Variants in GALNT10 observed in about 807,000 individuals in gnomAD.
The protein encoded by GALNT10 is GalNAc transferase 10.
GALNT10 carries 41 observed loss-of-function variants against 75.0 expected under a neutral mutation model. The ratio of observed to expected loss-of-function variants is 0.55; its 90% CI spans 0.43 to 0.71. The LOEUF (loss-of-function observed/expected upper bound fraction) is 0.71. Ranked by LOEUF, GALNT10 falls within the 30% of genes least tolerant of loss-of-function variation. The pLI, the probability that GALNT10 is intolerant of heterozygous loss-of-function variation, is 0.00. For synonymous variants in GALNT10, 302 were observed against 313.0 expected (o/e 0.96, Z 0.37); for missense variants, 727 against 818.5 (o/e 0.89, Z 1.36).
chr5:154,224,824 A>G (rs920173343), intron 1 of GALNT10, among the ~76,000 whole-genome samples: 1 of 127,218 alleles, frequency 7.9e-6, no homozygotes, highest in Admixed American at 1.1e-4. Flanking sequence ...TCTGTCTCCC[A>G]GGTTAGAGTG....
chr5:154,373,032 T>C (rs907160865), intron 4 of GALNT10, among the ~76,000 whole-genome samples: 5 of 152,156 alleles, frequency 3.3e-5, no homozygotes, highest in African/African-American at 1.2e-4. Context: ...GCCCCTAGAA[T>C]AGGGGTGATG....
At chr5:154,268,907 C>T (rs1468744163) in intron 1 of GALNT10, among the ~76,000 whole-genome samples, 9 of 152,030 alleles carry the variant, frequency 5.9e-5, no homozygotes, top group Non-Finnish European at 2.9e-5. Context: ...GAGGCCAAGG[C>T]GAAAGGATTG....
intron 7 of GALNT10, among the ~76,000 whole-genome samples, chr5:154,394,054 C>T (rs1755964631): frequency 6.6e-6 from 1 of 152,140 alleles, no homozygotes; most frequent in South Asian, 2.1e-4. Flanking sequence ...GTGGGCCCCA[C>T]CGTCCTTGGC....
At chr5:154,210,093 A>T (rs1191729555) in intron 1 of GALNT10, among the ~76,000 whole-genome samples, 1 of 152,154 alleles carries the variant, frequency 6.6e-6, no homozygotes, top group African/African-American at 2.4e-5. Flanking sequence ...TCCTCTCTCC[A>T]TGCAGCAGTC....
intron 1 of GALNT10, among the ~76,000 whole-genome samples, chr5:154,256,100 AC>A (rs1241473857): frequency 6.6e-6 from 1 of 152,038 alleles, no homozygotes; most frequent in Non-Finnish European, 1.5e-5. Context: ...GTAGACAAAA[AC>A]AGATCCTTAC....
intron 7 of GALNT10, among the ~76,000 whole-genome samples, chr5:154,395,081 G>C (rs1386073036): frequency 6.6e-6 from 1 of 152,234 alleles, no homozygotes; most frequent in Admixed American, 6.5e-5. Context: ...CTGTGTGTAT[G>C]TTACTCCCTA....
chr5:154,390,259 G>A (rs555696003), intron 7 of GALNT10, among the ~76,000 whole-genome samples: 105 of 150,214 alleles, frequency 7.0e-4, no homozygotes, highest in Non-Finnish European at 1.0e-3. Context: ...AGGATAGAAC[G>A]CATGGCCCCC....
At chr5:154,246,496 C>T (rs1455116566) in intron 1 of GALNT10, among the ~76,000 whole-genome samples, 1 of 152,210 alleles carries the variant, frequency 6.6e-6, no homozygotes, top group Non-Finnish European at 1.5e-5. Context: ...TTAATGATTG[C>T]CATTCTAACT....
chr5:154,233,833 G>A (rs75146634), intron 1 of GALNT10, among the ~76,000 whole-genome samples: 2,747 of 152,274 alleles, frequency 0.018, 60 homozygotes, highest in African/African-American at 0.062. Flanking sequence ...CTTTTGGTGG[G>A]CAGGTAGAGG....
intron 1 of GALNT10, among the ~76,000 whole-genome samples, chr5:154,216,868 T>G (rs1364394447): frequency 6.6e-6 from 1 of 152,210 alleles, no homozygotes; most frequent in African/African-American, 2.4e-5. Context: ...TGCTTTTTAC[T>G]TGTGAGTAGA....
intron 7 of GALNT10, chr5:154,388,836 C>G (rs1755846802): frequency 6.9e-6 from 1 of 145,772 alleles, no homozygotes; most frequent in Admixed American, 6.9e-5. Context: ...ATCTCTTGAG[C>G]CTAGGAGTTT....
intron 3 of GALNT10, among the ~76,000 whole-genome samples, chr5:154,321,460 A>G (rs555407240): frequency 1.8e-4 from 28 of 152,116 alleles, no homozygotes; most frequent in African/African-American, 3.9e-4. Flanking sequence ...GGTGCCCACC[A>G]CTACACCCGG....
chr5:154,333,868 C>T (rs1754902949), intron 4 of GALNT10, among the ~76,000 whole-genome samples: 1 of 152,164 alleles, frequency 6.6e-6, no homozygotes, highest in Non-Finnish European at 1.5e-5. Flanking sequence ...CTGCATTTTT[C>T]AGAAAAGCAA....
chr5:154,250,713 G>A (rs1753504052), intron 1 of GALNT10, among the ~76,000 whole-genome samples: 1 of 152,146 alleles, frequency 6.6e-6, no homozygotes, highest in Admixed American at 6.5e-5. Flanking sequence ...GTCAATCCTT[G>A]TTGAGAAACA....
chr5:154,301,181 T>A (rs1172080607), intron 3 of GALNT10, among the ~76,000 whole-genome samples: 1 of 152,140 alleles, frequency 6.6e-6, no homozygotes, highest in Non-Finnish European at 1.5e-5. Context: ...AAACGTTGAA[T>A]TTTTTAAAAA....
chr5:154,405,629 A>G (rs897004145), intron 8 of GALNT10, among the ~76,000 whole-genome samples: 53 of 152,162 alleles, frequency 3.5e-4, no homozygotes, highest in African/African-American at 1.3e-3. Flanking sequence ...ACTCCAGACC[A>G]GGAGCAACCC....
intron 1 of GALNT10, among the ~76,000 whole-genome samples, chr5:154,206,042 T>C (rs896034891): frequency 3.9e-5 from 6 of 152,232 alleles, no homozygotes; most frequent in African/African-American, 1.4e-4. Context: ...TGTGTGTGTA[T>C]GAGTGTGTCT....
intron 1 of GALNT10, among the ~76,000 whole-genome samples, chr5:154,218,697 C>G (rs1189100503): frequency 1.3e-5 from 2 of 152,046 alleles, no homozygotes; most frequent in Non-Finnish European, 2.9e-5. Flanking sequence ...CTTTCTGAGT[C>G]TGAGAAGCAA....
chr5:154,207,908 C>G (rs1036767184), intron 1 of GALNT10, among the ~76,000 whole-genome samples: 4 of 152,082 alleles, frequency 2.6e-5, no homozygotes, highest in African/African-American at 9.7e-5. Context: ...AGTTGGGTGA[C>G]CAGATTTGCT....
Sources: allele counts gnomAD v4.1 joint callset (sites outside exome capture counted in the v4.1 genomes callset), GRCh38; gene constraint gnomAD v4.1.1; transcripts MANE v1.5; gene names NCBI Gene and HGNC (gene_info 2026-07-23, HGNC 2026-07-21).